Variants in CA13 observed in about 807,000 individuals in gnomAD.
The protein encoded by CA13 is carbonic anhydrase 13.
A neutral mutation model predicts 31.5 loss-of-function variants in CA13; 21 were observed. The observed-to-expected ratio is 0.67, with a 90% confidence interval of 0.47 to 0.96. The LOEUF (loss-of-function observed/expected upper bound fraction) is 0.96, where lower values mean the gene tolerates loss of function less well. CA13 is among the 40% of genes least tolerant of loss of function. The pLI, the probability that CA13 is intolerant of heterozygous loss-of-function variation, is 0.00. For synonymous variants in CA13, 117 were observed against 111.4 expected, an observed-to-expected ratio of 1.05 and a Z score of -0.32; for missense variants, 315 against 318.9, an observed-to-expected ratio of 0.99 and a Z score of 0.09.
At position 85,245,712 on chromosome 8, in the gene CA13, C is replaced by T; in HGVS notation, c.-117C>T. 8.2e-7 allele frequency: 1 copy of T among 1,218,418 alleles called. No homozygotes were observed. Among genetic ancestry groups the T allele is most frequent in the Non-Finnish European group, 1.2e-6 (1 of 833,860 alleles). The allele number at this position is 1,218,418 out of a possible 1,614,324, so 75.5% of individuals were successfully genotyped here. On this transcript the variant is annotated 5_prime_UTR_variant, in exon 1 of 7. Coordinates refer to ENST00000321764, the MANE Select transcript of CA13 (RefSeq NM_198584.3). ...CGGACCGGGTTCACGGTCTCGCACT[C>T]CTGCCGCCGGCGCCCCGCGGTCCCG...
intron 1 of CA13, chr8:85,246,329 C>T (rs1193968829): frequency 6.6e-6 from 3 of 455,600 alleles, no homozygotes; most frequent in African/African-American, 6.0e-5. Context: ...GAAATCTTAA[C>T]TTGCATTGTG....
In CA13 at chr8:85,257,617, C is replaced by G. The variant is rs546043951; in HGVS notation, c.236-1804C>G. ...TGTGCGCCCGTAGTCCCAGCCCCAG[C>G]CGCTAGGGAGGCTGATGTGGGAGGA... On this transcript the variant is annotated intron_variant, in intron 2 of 6. Coordinates refer to ENST00000321764, the MANE Select transcript of CA13 (RefSeq NM_198584.3). 7.0e-4 allele frequency among the ~76,000 whole-genome samples: 106 copies of G among 151,576 alleles called. 1 individual carries two copies. Among genetic ancestry groups the G allele is most frequent in the Non-Finnish European group, 1.3e-3 (87 of 67,872 alleles).
At chr8:85,275,998 G>T (rs1807597816) in intron 6 of CA13, among the ~76,000 whole-genome samples, 1 of 152,214 alleles carries the variant, frequency 6.6e-6, no homozygotes, top group South Asian at 2.1e-4. Flanking sequence ...GCTGCACTGT[G>T]GGGGCCCCTT....
intron 1 of CA13, 64 bp from the exon 2 acceptor site, chr8:85,250,676 C>A: frequency 9.8e-7 from 1 of 1,023,740 alleles, no homozygotes; most frequent in Non-Finnish European, 1.5e-6. Flanking sequence ...GTGTTATACT[C>A]AATGTATGTT....
Position 85,245,816 on chromosome 8 carries a change from AC to A in CA13, c.-9del. The A allele has an allele frequency of 6.2e-7, 1 of 1,612,398 alleles. No homozygotes were observed. On this transcript the variant is annotated 5_prime_UTR_variant, in exon 1 of 7. Transcript: ENST00000321764. ...TCAGTCACATCTTTCTCTTCCTTCC[AC>A]CCCGAGGGACCATGTCGAGGCTCAG...
chr8:85,251,027 G>C, intron 2 of CA13, 90 bp downstream of exon 2: 1 of 1,074,884 alleles, frequency 9.3e-7, no homozygotes, highest in Non-Finnish European at 1.4e-6. Context: ...TTTTGAGACA[G>C]AGTCTCGCTC....
chr8:85,275,108 G>A (rs1055560707), intron 6 of CA13, among the ~76,000 whole-genome samples: 23 of 152,100 alleles, frequency 1.5e-4, no homozygotes, highest in Non-Finnish European at 2.1e-4. Context: ...TGGGGTATGC[G>A]GCATAAGGGT....
At chr8:85,259,200 T>C (rs969975663) in intron 2 of CA13, among the ~76,000 whole-genome samples, 17 of 152,214 alleles carry the variant, frequency 1.1e-4, no homozygotes, top group Admixed American at 3.9e-4. Flanking sequence ...AGGTGTTCCA[T>C]AAAAATCTGT....
chr8:85,259,782 C>G (rs1807352580), intron 3 of CA13, among the ~76,000 whole-genome samples: 1 of 152,124 alleles, frequency 6.6e-6, no homozygotes, highest in Non-Finnish European at 1.5e-5. Context: ...CATAAGTAAA[C>G]TGGTTGCTGG....
intron 4 of CA13, among the ~76,000 whole-genome samples, 190 bp downstream of exon 4, chr8:85,266,893 A>G (rs1391577831): frequency 1.3e-5 from 2 of 152,204 alleles, no homozygotes; most frequent in African/African-American, 2.4e-5. Context: ...CTTATTGTCC[A>G]TTGATCATTT....
At chr8:85,265,401 A>T (rs562876375) in intron 3 of CA13, among the ~76,000 whole-genome samples, 1 of 152,248 alleles carries the variant, frequency 6.6e-6, no homozygotes, top group East Asian at 1.9e-4. Context: ...AATCTTTCAC[A>T]CTTGTGGGTG....
intron 3 of CA13, among the ~76,000 whole-genome samples, chr8:85,262,948 CAAAT>C (rs1340131623): frequency 6.6e-6 from 1 of 152,036 alleles, no homozygotes; most frequent in Non-Finnish European, 1.5e-5. Flanking sequence ...AGACAATAAG[CAAAT>C]AAATAAATGG....
chr8:85,276,853 G>A (rs946786592), intron 6 of CA13, among the ~76,000 whole-genome samples: 1 of 151,390 alleles, frequency 6.6e-6, no homozygotes, highest in African/African-American at 2.4e-5. Context: ...TCTAGCTAAG[G>A]GATTGTAAAT....
At chr8:85,269,435 T>C (rs183693687) in intron 6 of CA13, among the ~76,000 whole-genome samples, 15 of 152,246 alleles carry the variant, frequency 9.9e-5, no homozygotes, top group Admixed American at 2.6e-4. Flanking sequence ...CAAGACTTTG[T>C]CTCAAAAAAA....
rs1813814275 is a variant in CA13, at chr8:85,250,880, A to G, written c.178A>G (p.Ile60Val). Residue 60 changes from isoleucine (I) to valine (V), a missense_variant, in exon 2 of 7, where the codon ATC (isoleucine) becomes GTC (valine). Transcript: ENST00000321764. Reference protein sequence around the residue: ...IKYDPSSAKIISNSGHSFNVD... With the variant: ...IKYDPSSAKIVSNSGHSFNVD... ...GTATGACCCAAGCTCAGCTAAAATC[A>G]TCAGCAACAGCGGCCATTCCTTCAA... 1 of 1,614,026 alleles carries G rather than the reference A, an allele frequency of 6.2e-7. No homozygotes were observed. Among genetic ancestry groups the G allele is most frequent in the African/African-American group, 1.3e-5 (1 of 74,922 alleles).
chr8:85,259,431 TG>T lies in CA13; in HGVS notation c.248del (p.Gly83ValfsTer27), dbSNP rs773196992. On this transcript the variant is annotated frameshift_variant, in exon 3 of 7. Transcript: ENST00000321764. LOFTEE classifies it high-confidence loss of function. ...DTENKSVLRG[G>X]PLTGSYRLRQ... ...CATGTTGTTGTTTAGTTCTGCGTGG[TG>T]GTCCTCTCACTGGAAGCTACAGGTT... The T allele has an allele frequency of 6.2e-7, 1 of 1,613,852 alleles. No homozygotes were observed. The highest frequency in any genetic ancestry group is 2.2e-5 in the East Asian group (1 of 44,880).
chr8:85,252,352 T>C (rs1285674697), intron 2 of CA13, among the ~76,000 whole-genome samples: 1 of 152,206 alleles, frequency 6.6e-6, no homozygotes, highest in Non-Finnish European at 1.5e-5. Flanking sequence ...CAATGGACAT[T>C]GAAGGGAGGG....
intron 1 of CA13, among the ~76,000 whole-genome samples, chr8:85,248,414 G>A (rs1409486450): frequency 6.7e-6 from 1 of 149,632 alleles, no homozygotes; most frequent in Admixed American, 6.7e-5. Context: ...CGGAGATCAC[G>A]CCATTGCACT....
intron 6 of CA13, among the ~76,000 whole-genome samples, chr8:85,272,733 T>C (rs1332859689): frequency 6.6e-6 from 1 of 152,204 alleles, no homozygotes; most frequent in Non-Finnish European, 1.5e-5. Flanking sequence ...TGTGGACACA[T>C]TTTTATGTCT....
Sources: allele counts gnomAD v4.1 joint callset (sites outside exome capture counted in the v4.1 genomes callset), GRCh38; gene constraint gnomAD v4.1.1; transcripts MANE v1.5; gene names NCBI Gene and HGNC (gene_info 2026-07-23, HGNC 2026-07-21).